GRIP1: variants seen among roughly 807,000 people sequenced by gnomAD.
GRIP1 encodes the protein glutamate receptor interacting protein 1.
In GRIP1, 45 loss-of-function variants were observed where a neutral mutation model predicts 129.9. The ratio of observed to expected loss-of-function variants is 0.35; its 90% confidence interval spans 0.27 to 0.44. The LOEUF (loss-of-function observed/expected upper bound fraction) is 0.44. Ranked by LOEUF, GRIP1 falls within the 20% of genes least tolerant of loss-of-function variation. The pLI is 1.00. For synonymous variants in GRIP1, 530 were observed against 520.8 expected (o/e 1.02, Z -0.24); for missense variants, 1,196 against 1,396.8 (o/e 0.86, Z 2.29).
intron 1 of GRIP1, among the ~76,000 whole-genome samples, chr12:66,824,602 G>T (rs2039376636): frequency 6.6e-6 from 1 of 152,112 alleles, no homozygotes; most frequent in Non-Finnish European, 1.5e-5. Flanking sequence ...TGTGTCTATT[G>T]ATGAGAAGGT....
chr12:66,478,194 A>C (rs1233401252), intron 7 of GRIP1, among the ~76,000 whole-genome samples: 1 of 152,230 alleles, frequency 6.6e-6, no homozygotes, highest in Non-Finnish European at 1.5e-5. Context: ...AAAGACAAAC[A>C]ACCCCATCAA....
chr12:66,968,170 G>C (rs2042023255), intron 1 of GRIP1, among the ~76,000 whole-genome samples: 1 of 152,130 alleles, frequency 6.6e-6, no homozygotes, highest in Non-Finnish European at 1.5e-5. Context: ...TCTTCCTGGA[G>C]AACTGATACT....
At chr12:66,532,905 G>A (rs2061499967) in intron 4 of GRIP1, among the ~76,000 whole-genome samples, 1 of 152,168 alleles carries the variant, frequency 6.6e-6, no homozygotes, top group Non-Finnish European at 1.5e-5. Context: ...AAGGTCATGT[G>A]AGTTAGCTAA....
intron 4 of GRIP1, among the ~76,000 whole-genome samples, chr12:66,536,951 G>A (rs541076291): frequency 2.0e-5 from 3 of 152,226 alleles, no homozygotes; most frequent in South Asian, 2.1e-4. Context: ...AATAATAGGA[G>A]AGGTGGTGCT....
intron 1 of GRIP1, among the ~76,000 whole-genome samples, chr12:66,614,926 C>T (rs187027699): frequency 2.0e-5 from 3 of 152,270 alleles, no homozygotes; most frequent in Admixed American, 2.0e-4. Context: ...CTCAATTATT[C>T]TAATCTTACT....
intron 5 of GRIP1, among the ~76,000 whole-genome samples, chr12:66,526,607 A>C (rs1160600398): frequency 6.6e-6 from 1 of 152,178 alleles, no homozygotes. Flanking sequence ...ATCATTCAGG[A>C]CATAGGCATG....
At chr12:66,663,638 C>T (rs754687542) in intron 1 of GRIP1, among the ~76,000 whole-genome samples, 3 of 152,088 alleles carry the variant, frequency 2.0e-5, no homozygotes, top group Non-Finnish European at 4.4e-5. Flanking sequence ...TATTTCTGTG[C>T]AGAAGTGAGT....
chr12:66,530,285 G>GT (rs1387256251), intron 4 of GRIP1, among the ~76,000 whole-genome samples: 1 of 152,078 alleles, frequency 6.6e-6, no homozygotes, highest in Non-Finnish European at 1.5e-5. Context: ...CAATATTTTT[G>GT]TAACACTTGT....
chr12:67,035,946 C>T (rs2043087934), intron 1 of GRIP1, among the ~76,000 whole-genome samples: 5 of 152,146 alleles, frequency 3.3e-5, no homozygotes. Flanking sequence ...TAGAGCAGCA[C>T]CCAGTTCCCC....
chr12:66,545,301 T>C (rs994321081), intron 2 of GRIP1, among the ~76,000 whole-genome samples: 1 of 152,216 alleles, frequency 6.6e-6, no homozygotes, highest in African/African-American at 2.4e-5. Context: ...ATCTTTTTAA[T>C]TACTGAACTC....
chr12:66,450,303 C>CAAAAAAAAA (rs143013040), intron 11 of GRIP1, among the ~76,000 whole-genome samples: 10 of 26,822 alleles, frequency 3.7e-4, no homozygotes, highest in East Asian at 1.4e-3. Context: ...GACTCCATCT[C>CAAAAAAAAA]AAAAAAAAAA....
rs114155384 is a variant in GRIP1 at position 66,747,308 on chromosome 12, A to G, written c.-420+56745T>C. On this transcript the variant is annotated intron_variant, in intron 1 of 4. Coordinates refer to the GRIP1 transcript ENST00000538373. The stretch of plus-strand genomic sequence containing the variant: ...ACTAAGCTAACAAAAAGGATATTAA[A>G]TAACTTGACTAATAACCATAGCACT... Among the ~76,000 whole-genome samples the G allele has an allele frequency of 5.1e-3, 778 of 152,334 alleles. 7 individuals are homozygous for G. Among genetic ancestry groups the G allele is most frequent in the African/African-American group, 0.018 (750 of 41,580 alleles).
At chr12:67,056,838 T>C (rs779783971) in intron 1 of GRIP1, among the ~76,000 whole-genome samples, 1 of 152,068 alleles carries the variant, frequency 6.6e-6, no homozygotes, top group Non-Finnish European at 1.5e-5. Flanking sequence ...TGAGATGGAG[T>C]CTCACACTGT....
chr12:66,704,120 GACTA>G (rs916466738), intron 1 of GRIP1, among the ~76,000 whole-genome samples: 1 of 151,992 alleles, frequency 6.6e-6, no homozygotes, highest in Non-Finnish European at 1.5e-5. Flanking sequence ...TGGTGAAATT[GACTA>G]ACTACTCCAA....
intron 1 of GRIP1, among the ~76,000 whole-genome samples, chr12:66,792,000 GA>G (rs1331140733): frequency 6.6e-6 from 1 of 152,116 alleles, no homozygotes; most frequent in East Asian, 1.9e-4. Context: ...GAAGGGCCTG[GA>G]AAGTTTAACA....
intron 6 of GRIP1, 79 bp from the exon 7 acceptor site, chr12:66,515,843 C>T (rs2060828529): frequency 1.7e-5 from 20 of 1,156,642 alleles, no homozygotes; most frequent in South Asian, 1.2e-4. Flanking sequence ...TAGCCAAATT[C>T]GTTTTGTCAC....
chr12:66,714,709 C>G (rs1227878237), intron 1 of GRIP1, among the ~76,000 whole-genome samples: 1 of 152,078 alleles, frequency 6.6e-6, no homozygotes, highest in East Asian at 1.9e-4. Context: ...TTGATGAGTA[C>G]TTATTATGAT....
At chr12:66,561,252 A>G (rs1485166784) in intron 2 of GRIP1, among the ~76,000 whole-genome samples, 1 of 152,188 alleles carries the variant, frequency 6.6e-6, no homozygotes, top group African/African-American at 2.4e-5. Context: ...GAAAGAATGA[A>G]TAAGATGCAG....
intron 2 of GRIP1, chr12:66,563,733 T>C (rs17779275): frequency 0.019 from 2,903 of 152,786 alleles, 37 homozygotes; most frequent in Non-Finnish European, 0.031. Context: ...TTTTTTATGT[T>C]GTTGCAAATG....
Sources: gnomAD v4.1 joint callset for allele counts (sites outside exome capture counted in the v4.1 genomes callset) on GRCh38, gnomAD v4.1.1 for gene constraint, MANE v1.5 for transcripts, NCBI Gene and HGNC (gene_info 2026-07-23, HGNC 2026-07-21) for gene names.